Variants in PWWP2A observed in about 807,000 individuals in gnomAD.
PWWP2A encodes the protein PWWP domain-containing protein 2A.
In PWWP2A, 18 loss-of-function variants were observed where a neutral mutation model predicts 48.5. That is an observed-to-expected ratio of 0.37 (90% CI 0.26 to 0.55). The LOEUF (loss-of-function observed/expected upper bound fraction) is 0.55. Ranked by LOEUF, PWWP2A falls within the 20% of genes least tolerant of loss-of-function variation. The pLI is 0.81. For missense variants in PWWP2A, 867 were observed against 976.4 expected (o/e 0.89, Z 1.49); for synonymous variants, 396 against 387.7 (o/e 1.02, Z -0.25).
chr5:160,109,614 C>T (rs959683945), intron 1 of PWWP2A, among the ~76,000 whole-genome samples: 1 of 151,260 alleles, frequency 6.6e-6, no homozygotes, highest in African/African-American at 2.4e-5. Context: ...GCAGGTAAGA[C>T]ATCCATAATC....
At chr5:160,051,082 G>GTTTTTTTTT in the PWWP2A span, 1 of 1,236,524 alleles carries the variant, frequency 8.1e-7, no homozygotes, top group Non-Finnish European at 1.1e-6. Context: ...AAAGGTTTTG[G>GTTTTTTTTT]TTTTTTTTTT....
chr5:160,061,469 A>G (rs1431610954), downstream of PWWP2A, among the ~76,000 whole-genome samples: 2 of 152,182 alleles, frequency 1.3e-5, no homozygotes, highest in Non-Finnish European at 2.9e-5. Context: ...GTATCTTTGC[A>G]TCTCTACCAC....
chr5:160,117,857 C>T lies in PWWP2A; in HGVS notation c.584+948G>A, dbSNP rs960746874. Reference sequence around the variant, plus strand: ...TAAGCCATTGCAAACAGGTGAGATACGATCAGAGCGTGTGCTGTTGCAGGA... The same window carrying T: ...TAAGCCATTGCAAACAGGTGAGATATGATCAGAGCGTGTGCTGTTGCAGGA... On this transcript the variant is annotated intron_variant, in intron 1 of 1. Coordinates refer to ENST00000307063, the MANE Select transcript of PWWP2A (RefSeq NM_001130864.2). 2.5e-5 allele frequency: 25 copies of T among 983,690 alleles called. No homozygotes were observed. The Middle Eastern group carries it at 2.1e-3, about 81-fold the overall frequency. 60.9% of individuals were successfully genotyped at this position (983,690 alleles called of 1,614,324 possible). A position where few individuals can be genotyped will look rare whatever the true frequency, so the allele number is the denominator to read the frequency against.
At chr5:160,064,055 G>A (rs563815536) in intron 4 of PWWP2A, among the ~76,000 whole-genome samples, 1 of 143,530 alleles carries the variant, frequency 7.0e-6, no homozygotes, top group South Asian at 2.2e-4. Context: ...TGCAACCTCT[G>A]CCTCCCAGGT....
intron 2 of PWWP2A, among the ~76,000 whole-genome samples, chr5:160,068,831 T>C (rs1217517656): frequency 6.6e-6 from 1 of 152,156 alleles, no homozygotes; most frequent in East Asian, 1.9e-4. Flanking sequence ...CCATCAGTAT[T>C]CAAAAGTCTT....
the PWWP2A span, among the ~76,000 whole-genome samples, chr5:160,045,495 C>T: frequency 2.6e-5 from 3 of 116,432 alleles, no homozygotes; most frequent in African/African-American, 6.6e-5. Context: ...CACACACACA[C>T]ACACACACAC....
the PWWP2A span, among the ~76,000 whole-genome samples, chr5:160,047,928 T>C: frequency 6.6e-6 from 1 of 152,092 alleles, no homozygotes; most frequent in African/African-American, 2.4e-5. Context: ...ATTATATACC[T>C]GTCTGTTCTT....
At chr5:160,046,995 G>C in the PWWP2A span, among the ~76,000 whole-genome samples, 1 of 152,144 alleles carries the variant, frequency 6.6e-6, no homozygotes, top group Non-Finnish European at 1.5e-5. Context: ...CTGGGTGACA[G>C]AGCAAGATTC....
chr5:160,103,217 T>C (rs1008156431), intron 1 of PWWP2A, among the ~76,000 whole-genome samples: 5 of 152,184 alleles, frequency 3.3e-5, no homozygotes, highest in South Asian at 2.1e-4. Flanking sequence ...TTTCAAACTA[T>C]CTAAAAATAA....
chr5:160,108,407 T>A, intron 1 of PWWP2A: 1 of 405,988 alleles, frequency 2.5e-6, no homozygotes, highest in South Asian at 1.9e-5. Context: ...TTTATTGACA[T>A]CTTGGCATAT....
downstream of PWWP2A, among the ~76,000 whole-genome samples, chr5:160,060,950 C>T (rs1048274059): frequency 3.9e-5 from 6 of 152,230 alleles, no homozygotes; most frequent in Admixed American, 1.3e-4. Flanking sequence ...CAATGTGGGA[C>T]TAACTTTCTG....
chr5:160,082,260 C>G (rs998610734), intron 2 of PWWP2A, among the ~76,000 whole-genome samples: 1 of 151,606 alleles, frequency 6.6e-6, no homozygotes, highest in Non-Finnish European at 1.5e-5. Flanking sequence ...CTGGCTAACA[C>G]GGTGAAACCC....
chr5:160,117,931 AAAG>A (rs1758302744), intron 1 of PWWP2A: 1 of 956,166 alleles, frequency 1.0e-6, no homozygotes, highest in Non-Finnish European at 1.2e-6. Context: ...CATATCTGCA[AAAG>A]AAGAGAATAA....
In PWWP2A at chr5:160,077,860, G is replaced by A; in HGVS notation, c.*295C>T. On this transcript the variant is annotated 3_prime_UTR_variant, in exon 4 of 4. Coordinates refer to the PWWP2A transcript ENST00000456329. This position sits in a 1 kb window ranked among gnomAD's most constrained non-coding sequence, Gnocchi z 4.2. The stretch of plus-strand genomic sequence containing the variant: ...TCACATTCCAAAGAAGTTACTGTCA[G>A]TGTTTCTTCATATATAAAATTCAAG... 2.8e-6 allele frequency: 1 copy of A among 351,342 alleles called. No individual in the cohort carries two copies. The highest frequency in any genetic ancestry group is 5.2e-6 in the Non-Finnish European group (1 of 190,640). The allele number at this position is 351,342 out of a possible 1,614,324, so 21.8% of individuals were successfully genotyped here.
At position 160,094,298 on chromosome 5, in the gene PWWP2A, G is replaced by A. The variant is rs1479659998; in HGVS notation, c.585-233C>T. Among the ~76,000 whole-genome samples, 3 of 152,144 alleles carry A rather than the reference G, an allele frequency of 2.0e-5. 1 individual carries two copies. In the South Asian group the frequency reaches 6.2e-4, roughly 32 times the overall value. ...CAAACAGCTGCCCTAAGCAATGACA[G>A]AATAGTTGACTATACTTAAAGTAGA... On this transcript the variant is annotated intron_variant, in intron 1 of 1. Coordinates refer to ENST00000307063, the MANE Select transcript of PWWP2A (RefSeq NM_001130864.2).
chr5:160,064,259 A>C (rs1412399308), intron 4 of PWWP2A, among the ~76,000 whole-genome samples: 1 of 152,124 alleles, frequency 6.6e-6, no homozygotes. Flanking sequence ...GTGAGCCACC[A>C]CGCCCATCCT....
At chr5:160,061,336 A>G (rs1283355589), downstream of PWWP2A, among the ~76,000 whole-genome samples, 3 of 152,238 alleles carry the variant, frequency 2.0e-5, no homozygotes, top group Non-Finnish European at 4.4e-5. Context: ...CAGCCAAAGG[A>G]ATCTTCCCCT....
At chr5:160,097,336 CAAAAAAAAAAAAAA>C (rs70987999) in intron 1 of PWWP2A, among the ~76,000 whole-genome samples, 5 of 34,364 alleles carry the variant, frequency 1.5e-4, no homozygotes, top group East Asian at 1.0e-3. Context: ...GCCTTTGTCT[CAAAAAAAAAAAAAA>C]AAAAAAAAAA....
downstream of PWWP2A, chr5:160,091,022 C>T (rs186838779): frequency 2.4e-5 from 24 of 984,700 alleles, no homozygotes; most frequent in East Asian, 2.3e-4. Context: ...TGTAATTACC[C>T]GAATGTAAAA....
Sources: gnomAD v4.1 joint callset for allele counts (sites outside exome capture counted in the v4.1 genomes callset) on GRCh38, gnomAD v4.1.1 for gene constraint, Gnocchi (gnomAD v3.1) non-coding constraint, MANE v1.5 for transcripts, NCBI Gene and HGNC (gene_info 2026-07-23, HGNC 2026-07-21) for gene names.